The following PPP2R3A variants were observed in gnomAD, a reference collection of about 807,000 sequenced individuals.
PPP2R3A encodes protein phosphatase 2 regulatory subunit B''alpha, also known as serine/threonine-protein phosphatase 2A regulatory subunit B'' subunit alpha.
In PPP2R3A, 80 loss-of-function variants were observed where a neutral mutation model predicts 106.9. The ratio of observed to expected loss-of-function variants is 0.75; its 90% CI spans 0.62 to 0.90. The LOEUF is 0.90. PPP2R3A is among the 40% of genes least tolerant of loss of function. The probability of loss-of-function intolerance (pLI) is 0.00; values close to 1 mark genes in which losing one functional copy is unlikely to be tolerated. For missense variants in PPP2R3A, 1,386 were observed against 1,350.4 expected, an observed-to-expected ratio of 1.03 and a Z score of -0.41; for synonymous variants, 483 against 468.3, an observed-to-expected ratio of 1.03 and a Z score of -0.41.
chr3:136,010,533 A>G (rs1208739039), intron 2 of PPP2R3A, among the ~76,000 whole-genome samples: 2 of 109,824 alleles, frequency 1.8e-5, no homozygotes, highest in African/African-American at 7.2e-5. Context: ...TTCACACCAT[A>G]CTCCTGCCTC....
chr3:136,056,577 T>TA (rs1321661518), intron 5 of PPP2R3A, among the ~76,000 whole-genome samples: 8 of 151,964 alleles, frequency 5.3e-5, no homozygotes, highest in African/African-American at 1.9e-4. Flanking sequence ...ACACCGTATA[T>TA]AAAAATCAAC....
intron 3 of PPP2R3A, among the ~76,000 whole-genome samples, chr3:136,030,817 TGTATGTATAC>T (rs1447962792): frequency 1.9e-4 from 27 of 144,662 alleles, no homozygotes; most frequent in African/African-American, 6.7e-4. Context: ...TATGTATGTA[TGTATGTATAC>T]ACACACACAC....
chr3:136,063,937 A>G (rs1029854714), intron 5 of PPP2R3A, among the ~76,000 whole-genome samples: 13 of 150,322 alleles, frequency 8.6e-5, no homozygotes, highest in African/African-American at 3.2e-4. Flanking sequence ...AAAGGATTAT[A>G]AATCATGCTG....
chr3:135,978,655 G>C (rs1038760367), intron 1 of PPP2R3A, among the ~76,000 whole-genome samples: 1 of 151,828 alleles, frequency 6.6e-6, no homozygotes. Flanking sequence ...TCAAAGAGCA[G>C]TGTGAAACCA....
intron 2 of PPP2R3A, among the ~76,000 whole-genome samples, chr3:136,025,033 A>C (rs2107819758): frequency 6.6e-6 from 1 of 152,268 alleles, no homozygotes; most frequent in East Asian, 1.9e-4. Flanking sequence ...TGATTATTTT[A>C]TTATTGAATC....
intron 4 of PPP2R3A, among the ~76,000 whole-genome samples, chr3:136,041,238 G>GTTTTTTTTTTTTGTTTTTTTTTTT (rs67116006): frequency 2.2e-5 from 2 of 92,936 alleles, no homozygotes; most frequent in Admixed American, 1.1e-4. Flanking sequence ...GGTTTTTCTT[G>GTTTTTTTTTTTTGTTTTTTTTTTT]TTTTTTTTTT....
intron 3 of PPP2R3A, among the ~76,000 whole-genome samples, chr3:136,034,695 C>G (rs1450270767): frequency 2.6e-5 from 4 of 152,112 alleles, no homozygotes. Context: ...AATGCATATT[C>G]TGCAGTTGTT....
chr3:136,043,119 C>T (rs1264540425), intron 4 of PPP2R3A, among the ~76,000 whole-genome samples: 1 of 151,358 alleles, frequency 6.6e-6, no homozygotes, highest in Non-Finnish European at 1.5e-5. Flanking sequence ...TCCAGTAGCT[C>T]TACATAATCT....
In PPP2R3A at chr3:136,003,261, G is replaced by A. The variant is rs145190880; in HGVS notation, c.1763G>A (p.Arg588Gln). The change falls in exon 2 of 14, where the codon CGA (arginine) becomes CAA (glutamine). Residue 588 changes from arginine to glutamine, a missense_variant. Physicochemically the swap from Arg to Gln is conservative, Grantham distance 43. Coordinates refer to ENST00000264977, the MANE Select transcript of PPP2R3A (RefSeq NM_002718.5). ...TNGHKIEEED[R>Q]ALLLRILESI... ...GGACACAAAATAGAGGAAGAGGATC[G>A]AGCCCTCTTACTGCGAATCCTGGAA... The A allele has an allele frequency of 1.0e-4, 169 of 1,613,640 alleles. 1 individual carries two copies. In the African/African-American group the frequency reaches 2.0e-3, roughly 19 times the overall value.
chr3:136,070,506 C>G lies in PPP2R3A; in HGVS notation c.2498C>G (p.Thr833Arg). Residue 833 changes from threonine (T) to arginine (R), a missense_variant, in exon 6 of 14, where the codon ACG (threonine) becomes AGG (arginine). Physicochemically the swap from Thr to Arg is moderately conservative, Grantham distance 71. Coordinates refer to ENST00000264977, the MANE Select transcript of PPP2R3A (RefSeq NM_002718.5). Reference sequence around the variant, plus strand: ...GTGGTGGATACCCACCCTGGTCTCACGTTCCTGAAAGATGCTCCAGAATTC... The same window carrying G: ...GTGGTGGATACCCACCCTGGTCTCAGGTTCCTGAAAGATGCTCCAGAATTC... ...QDVVDTHPGL[T>R]FLKDAPEFHS... 1 of 1,609,860 alleles carries G rather than the reference C, an allele frequency of 6.2e-7. No individual in the cohort carries two copies. The highest frequency in any genetic ancestry group is 2.3e-5 in the East Asian group (1 of 44,388).
intron 3 of PPP2R3A, among the ~76,000 whole-genome samples, chr3:136,027,858 T>C (rs1934724528): frequency 6.6e-6 from 1 of 152,180 alleles, no homozygotes; most frequent in African/African-American, 2.4e-5. Context: ...TTTAGAAGGC[T>C]AAGGGCTGCA....
At chr3:136,119,840 C>T (rs766176919) in intron 13 of PPP2R3A, among the ~76,000 whole-genome samples, 3 of 152,178 alleles carry the variant, frequency 2.0e-5, no homozygotes, top group Non-Finnish European at 4.4e-5. Flanking sequence ...CCGTTTGACC[C>T]AGCAATTCCA....
intron 6 of PPP2R3A, among the ~76,000 whole-genome samples, chr3:136,071,422 C>T (rs757597184): frequency 9.2e-5 from 14 of 152,194 alleles, no homozygotes; most frequent in Non-Finnish European, 1.8e-4. Context: ...CAGTATAAAA[C>T]TTTGTAAGAT....
At chr3:136,093,614 A>G (rs182075936) in intron 10 of PPP2R3A, among the ~76,000 whole-genome samples, 7 of 152,296 alleles carry the variant, frequency 4.6e-5, no homozygotes, top group East Asian at 3.9e-4. Context: ...TGTTTCTCCA[A>G]AGAAGATATA....
At chr3:135,983,698 T>C (rs560607094) in intron 1 of PPP2R3A, among the ~76,000 whole-genome samples, 1 of 152,378 alleles carries the variant, frequency 6.6e-6, no homozygotes, top group East Asian at 1.9e-4. Context: ...GGTCATTTTT[T>C]AAGTCAGGCT....
intron 4 of PPP2R3A, among the ~76,000 whole-genome samples, chr3:136,047,667 C>T (rs1286036815): frequency 1.3e-5 from 2 of 152,036 alleles, no homozygotes; most frequent in East Asian, 1.9e-4. Flanking sequence ...TTTCGGAGGC[C>T]GAGGTGAGTG....
intron 1 of PPP2R3A, among the ~76,000 whole-genome samples, chr3:135,967,643 T>A (rs1372592550): frequency 6.6e-6 from 1 of 152,176 alleles, no homozygotes; most frequent in East Asian, 1.9e-4. Context: ...ACAAACATAG[T>A]CCCCACTGAT....
intron 2 of PPP2R3A, among the ~76,000 whole-genome samples, chr3:136,018,147 GT>G (rs1228074518): frequency 2.0e-5 from 3 of 152,142 alleles, no homozygotes; most frequent in Non-Finnish European, 4.4e-5. Flanking sequence ...TGTGCCTGTA[GT>G]CCCAGCTACT....
intron 6 of PPP2R3A, 27 bp from the exon 7 acceptor site, chr3:136,078,340 T>A: frequency 1.4e-6 from 2 of 1,464,414 alleles, no homozygotes; most frequent in Non-Finnish European, 1.9e-6. Context: ...ATGTTTTTAT[T>A]TGGTTTTATT....
Sources: allele counts gnomAD v4.1 joint callset (sites outside exome capture counted in the v4.1 genomes callset), GRCh38; gene constraint gnomAD v4.1.1; transcripts MANE v1.5; gene names NCBI Gene and HGNC (gene_info 2026-07-23, HGNC 2026-07-21).